Variants in KDM3A observed in about 807,000 individuals in gnomAD.
KDM3A encodes lysine-specific demethylase 3A.
KDM3A carries 60 observed loss-of-function variants against 158.0 expected under a neutral mutation model. The observed-to-expected ratio is 0.38, with a 90% CI of 0.31 to 0.47. KDM3A has a LOEUF of 0.47. Ranked by LOEUF, KDM3A falls within the 20% of genes least tolerant of loss-of-function variation. KDM3A has a pLI of 0.99. For synonymous variants in KDM3A, 608 were observed against 549.3 expected (o/e 1.11, Z -1.49); for missense variants, 1,319 against 1,574.3 (o/e 0.84, Z 2.74).
chr2:86,456,682 TAC>T, intron 6 of KDM3A, 116 bp downstream of exon 6: 1 of 1,279,378 alleles, frequency 7.8e-7, no homozygotes, highest in Non-Finnish European at 1.1e-6. Flanking sequence ...TAGAAATAAT[TAC>T]AGTTGTTTTA....
chr2:86,491,106 G>A, intron 24 of KDM3A, 35 bp from the exon 25 acceptor site: 1 of 1,612,930 alleles, frequency 6.2e-7, no homozygotes, highest in South Asian at 1.1e-5. Context: ...TGAACTTTTG[G>A]GTTTGTTACT....
intron 2 of KDM3A, among the ~76,000 whole-genome samples, chr2:86,447,710 C>T (rs1683013600): frequency 6.6e-6 from 1 of 152,068 alleles, no homozygotes; most frequent in Non-Finnish European, 1.5e-5. Context: ...GGGTTCTTAA[C>T]CTGGGGTGCA....
upstream of KDM3A, among the ~76,000 whole-genome samples, chr2:86,440,043 T>C (rs1033793977): frequency 6.6e-5 from 10 of 152,212 alleles, no homozygotes; most frequent in African/African-American, 2.4e-4. Flanking sequence ...ACTTTTCACA[T>C]GAAAAACATT....
chr2:86,470,473 A>C, intron 11 of KDM3A, 65 bp downstream of exon 11: 1 of 1,327,532 alleles, frequency 7.5e-7, no homozygotes, highest in Non-Finnish European at 1.1e-6. Flanking sequence ...CATCTGGCAT[A>C]CTTTTGTTAC....
At chr2:86,465,148 C>A (rs1673080661) in intron 9 of KDM3A, among the ~76,000 whole-genome samples, 1 of 152,172 alleles carries the variant, frequency 6.6e-6, no homozygotes, top group African/African-American at 2.4e-5. Flanking sequence ...AAGGACTTTG[C>A]ATTTTTCTGG....
At chr2:86,464,873 T>C (rs1198119774) in intron 9 of KDM3A, among the ~76,000 whole-genome samples, 4 of 152,130 alleles carry the variant, frequency 2.6e-5, no homozygotes, top group Non-Finnish European at 5.9e-5. Context: ...GACTGTGGTA[T>C]AGAAAAGTAG....
At chr2:86,454,475 T>A (rs1356691507) in intron 4 of KDM3A, among the ~76,000 whole-genome samples, 1 of 152,210 alleles carries the variant, frequency 6.6e-6, no homozygotes, top group African/African-American at 2.4e-5. Context: ...ATCTTTACAA[T>A]GTGTCAAAAG....
chr2:86,481,834 G>A, intron 16 of KDM3A, 96 bp from the exon 17 acceptor site: 1 of 923,432 alleles, frequency 1.1e-6, no homozygotes, highest in Non-Finnish European at 1.7e-6. Context: ...TCAGTAAATA[G>A]AAAGCAAGTT....
At chr2:86,467,015 G>A (rs929299938) in intron 10 of KDM3A, 132 bp downstream of exon 10, 197 of 765,446 alleles carry the variant, frequency 2.6e-4, no homozygotes, top group Middle Eastern at 2.3e-3. Flanking sequence ...AAAGTTGAAA[G>A]AAGGTATAAT....
upstream of KDM3A, chr2:86,441,072 A>G (rs1395303842): frequency 6.6e-6 from 1 of 152,160 alleles, no homozygotes; most frequent in Non-Finnish European, 1.5e-5. Flanking sequence ...TTTTTTTTGC[A>G]TACTGTGAGG....
chr2:86,487,389 T>G (rs1312606769), intron 21 of KDM3A: 1 of 152,200 alleles, frequency 6.6e-6, no homozygotes, highest in African/African-American at 2.4e-5. Context: ...TAAAGAGTGG[T>G]CTTTTCAAAG....
chr2:86,462,356 A>G (rs1672964261), intron 8 of KDM3A, among the ~76,000 whole-genome samples: 1 of 152,188 alleles, frequency 6.6e-6, no homozygotes, highest in African/African-American at 2.4e-5. Flanking sequence ...GAAGGTGACC[A>G]ATATGAGGAA....
upstream of KDM3A, among the ~76,000 whole-genome samples, chr2:86,440,392 T>C (rs113606469): frequency 1.8e-3 from 271 of 152,348 alleles, no homozygotes; most frequent in African/African-American, 6.4e-3. Flanking sequence ...TATGAACATA[T>C]CTTCAATTTC....
chr2:86,490,743 G>C, intron 23 of KDM3A, 138 bp from the exon 24 acceptor site: 2 of 597,334 alleles, frequency 3.3e-6, no homozygotes, highest in Non-Finnish European at 5.9e-6. Context: ...GATACTACTA[G>C]TCGTCTTCTG....
chr2:86,484,392 GTC>G (rs976869126), intron 19 of KDM3A, among the ~76,000 whole-genome samples: 3 of 152,174 alleles, frequency 2.0e-5, no homozygotes, highest in African/African-American at 7.2e-5. Context: ...GATAGGGTCA[GTC>G]TCTCTCTCTG....
intron 9 of KDM3A, among the ~76,000 whole-genome samples, chr2:86,465,289 T>C (rs1193864465): frequency 6.6e-6 from 1 of 152,216 alleles, no homozygotes; most frequent in Non-Finnish European, 1.5e-5. Context: ...CTCTGTGTGC[T>C]GATCACTGAA....
intron 5 of KDM3A, 102 bp from the exon 6 acceptor site, chr2:86,456,340 G>T (rs181867990): frequency 2.4e-6 from 2 of 846,740 alleles, no homozygotes; most frequent in African/African-American, 1.8e-5. Flanking sequence ...TTACTTTTGC[G>T]TTTTTTTAAA....
At chr2:86,466,178 G>GAT (rs58378769) in intron 9 of KDM3A, among the ~76,000 whole-genome samples, 194 bp from the exon 10 acceptor site, 20,422 of 152,046 alleles carry the variant, frequency 0.13, 1,486 homozygotes, top group Middle Eastern at 0.16. Context: ...GAGTGTTTAT[G>GAT]ATTTTTGCAG....
At chr2:86,437,978 C>T (rs1445779664), upstream of KDM3A, among the ~76,000 whole-genome samples, 2 of 151,868 alleles carry the variant, frequency 1.3e-5, no homozygotes, top group African/African-American at 4.8e-5. Context: ...TTTTTCTTGT[C>T]TTATTACATT....
Sources: allele counts gnomAD v4.1 joint callset (sites outside exome capture counted in the v4.1 genomes callset), GRCh38; gene constraint gnomAD v4.1.1; transcripts MANE v1.5; gene names NCBI Gene and HGNC (gene_info 2026-07-23, HGNC 2026-07-21).